Variants in CEP85L observed in about 807,000 individuals in gnomAD.
CEP85L encodes centrosomal protein of 85 kDa-like.
A neutral mutation model predicts 100.3 loss-of-function variants in CEP85L; 60 were observed. The ratio of observed to expected loss-of-function variants is 0.60; its 90% CI spans 0.49 to 0.74. CEP85L has a LOEUF of 0.74. Among genes scored for constraint, CEP85L ranks in the 30% least tolerant of loss-of-function variants. CEP85L has a pLI of 0.00. For synonymous variants in CEP85L, 319 were observed against 322.7 expected (o/e 0.99, Z 0.12); for missense variants, 973 against 936.2 (o/e 1.04, Z -0.51).
intron 4 of CEP85L, among the ~76,000 whole-genome samples, chr6:118,520,996 T>C (rs7766888): frequency 0.11 from 17,202 of 152,242 alleles, 1,254 homozygotes; most frequent in African/African-American, 0.2. Context: ...AGTCTCCTCC[T>C]ATGAAAGTTA....
chr6:118,586,138 G>C (rs1780845825), intron 2 of CEP85L, among the ~76,000 whole-genome samples: 1 of 152,092 alleles, frequency 6.6e-6, no homozygotes, highest in African/African-American at 2.4e-5. Flanking sequence ...CCTCAGGAAA[G>C]GTAGAGAAAA....
chr6:118,610,801 G>C (rs1772555579), intron 2 of CEP85L, among the ~76,000 whole-genome samples: 1 of 151,954 alleles, frequency 6.6e-6, no homozygotes, highest in South Asian at 2.1e-4. Context: ...GGGAGGGAGG[G>C]CACAAAACAA....
chr6:118,706,389 C>T (rs892215689), intron 1 of CEP85L, among the ~76,000 whole-genome samples: 1 of 152,082 alleles, frequency 6.6e-6, no homozygotes, highest in African/African-American at 2.4e-5. Context: ...AAGCAGAAAC[C>T]CTGTAAGACT....
intron 2 of CEP85L, among the ~76,000 whole-genome samples, chr6:118,603,130 C>A (rs1424401791): frequency 6.6e-6 from 1 of 152,052 alleles, no homozygotes; most frequent in Admixed American, 6.5e-5. Flanking sequence ...CCAGATAAGA[C>A]TTTTTAAAAG....
chr6:118,568,438 G>A (rs1404789459), intron 2 of CEP85L, among the ~76,000 whole-genome samples: 1 of 152,210 alleles, frequency 6.6e-6, no homozygotes, highest in African/African-American at 2.4e-5. Context: ...CCAAAAGAAT[G>A]TGGCTGTATA....
intron 3 of CEP85L, among the ~76,000 whole-genome samples, chr6:118,549,402 T>G (rs1387150426): frequency 2.0e-5 from 3 of 151,874 alleles, no homozygotes; most frequent in Non-Finnish European, 4.4e-5. Flanking sequence ...AATGAAACGT[T>G]TCCTCATTCT....
In CEP85L at chr6:118,465,583, C is replaced by T. The variant is rs1434975648; in HGVS notation, c.2255-15G>A. ...ACAGTTCATTGCTGTGTAAATAAAACATAGAGAGAATATCTCACATTTTTT... is the reference window on the plus strand; with the variant it reads ...ACAGTTCATTGCTGTGTAAATAAAATATAGAGAGAATATCTCACATTTTTT... On this transcript the variant is annotated splice_polypyrimidine_tract_variant and intron_variant, in intron 12 of 12. Transcript: ENST00000368491. 3 of 1,600,014 alleles carry T rather than the reference C, an allele frequency of 1.9e-6. No individual in the cohort carries two copies. The highest frequency in any genetic ancestry group is 2.6e-6 in the Non-Finnish European group (3 of 1,174,700).
At position 118,462,498 on chromosome 6, in the gene CEP85L, C is replaced by G. The variant is rs1432427593; in HGVS notation, c.*2907G>C. 6.6e-6 allele frequency: 1 copy of G among 151,934 alleles called. No individual in the cohort carries two copies. Among genetic ancestry groups the G allele is most frequent in the Non-Finnish European group, 1.5e-5 (1 of 67,882 alleles). 9.4% of individuals were successfully genotyped at this position (151,934 alleles called of 1,614,324 possible). On this transcript the variant is annotated 3_prime_UTR_variant, in exon 13 of 13. Transcript: ENST00000368491. ...TGTAATGTGATTGAGGCTGAATAAG[C>G]TCAACTTTAAAACCCAAAAGAACAA... is the stretch of plus-strand genomic sequence containing the variant.
intron 10 of CEP85L, 27 bp from the exon 11 acceptor site, chr6:118,470,671 CA>C: frequency 7.6e-7 from 1 of 1,323,728 alleles, no homozygotes. Context: ...AATTGGAAAG[CA>C]AAACAGGTTA....
upstream of CEP85L, chr6:118,651,698 G>A (rs1156964542): frequency 3.0e-6 from 2 of 660,612 alleles, no homozygotes; most frequent in East Asian, 2.5e-4. Flanking sequence ...CGGGGACTGC[G>A]GGGGGCGGGG....
At chr6:118,648,335 T>A (rs995909147) in intron 1 of CEP85L, among the ~76,000 whole-genome samples, 4 of 152,242 alleles carry the variant, frequency 2.6e-5, no homozygotes, top group African/African-American at 9.6e-5. Flanking sequence ...AAAAGCCAAA[T>A]TAAACTGAAT....
chr6:118,604,382 C>T (rs1276989367), intron 2 of CEP85L, among the ~76,000 whole-genome samples: 1 of 152,198 alleles, frequency 6.6e-6, no homozygotes, highest in Non-Finnish European at 1.5e-5. Flanking sequence ...CAGAATCTCT[C>T]TCAATTTTTT....
intron 1 of CEP85L, among the ~76,000 whole-genome samples, chr6:118,670,659 C>T (rs1438980928): frequency 6.6e-6 from 1 of 152,102 alleles, no homozygotes; most frequent in African/African-American, 2.4e-5. Flanking sequence ...TTAAACTGAC[C>T]AAAACCTTGA....
At chr6:118,539,715 C>T (rs772291958) in intron 3 of CEP85L, among the ~76,000 whole-genome samples, 9 of 151,890 alleles carry the variant, frequency 5.9e-5, no homozygotes, top group Non-Finnish European at 1.0e-4. Context: ...TATTAAGCCC[C>T]GCATGCATTA....
At chr6:118,482,345 T>TA (rs1773853684) in intron 7 of CEP85L, among the ~76,000 whole-genome samples, 1 of 152,160 alleles carries the variant, frequency 6.6e-6, no homozygotes, top group Admixed American at 6.6e-5. Flanking sequence ...CTATATCAAT[T>TA]AAACAACTCC....
At chr6:118,478,806 G>A (rs763963655) in intron 10 of CEP85L, among the ~76,000 whole-genome samples, 37 of 152,100 alleles carry the variant, frequency 2.4e-4, no homozygotes, top group Non-Finnish European at 4.4e-4. Flanking sequence ...ACATATAAGA[G>A]TAAATTGCAG....
At chr6:118,613,845 T>C (rs1053393885) in intron 2 of CEP85L, among the ~76,000 whole-genome samples, 2 of 150,790 alleles carry the variant, frequency 1.3e-5, no homozygotes, top group Non-Finnish European at 3.0e-5. Context: ...TTCTATACAA[T>C]CTCTTCCAAA....
intron 2 of CEP85L, among the ~76,000 whole-genome samples, chr6:118,631,803 G>C (rs1417175404): frequency 6.6e-6 from 1 of 152,178 alleles, no homozygotes; most frequent in African/African-American, 2.4e-5. Context: ...AGATAAAGGA[G>C]AGGGGGCAGA....
chr6:118,533,307 C>T (rs1215455308), intron 3 of CEP85L, among the ~76,000 whole-genome samples: 2 of 152,090 alleles, frequency 1.3e-5, no homozygotes. Flanking sequence ...GACCATCAGA[C>T]ATTAAAAAGA....
Sources: allele counts gnomAD v4.1 joint callset (sites outside exome capture counted in the v4.1 genomes callset), GRCh38; gene constraint gnomAD v4.1.1; transcripts MANE v1.5; gene names NCBI Gene and HGNC (gene_info 2026-07-23, HGNC 2026-07-21).